PHKA2: variants seen among roughly 807,000 people sequenced by gnomAD.
PHKA2 encodes the protein phosphorylase b kinase regulatory subunit alpha, liver isoform.
Under a neutral mutation model 102.0 loss-of-function variants are expected in PHKA2, and 31 were observed. The observed-to-expected ratio is 0.30, with a 90% confidence interval of 0.23 to 0.41. PHKA2 has a LOEUF of 0.41. Among genes scored for constraint, PHKA2 ranks in the 10% least tolerant of loss-of-function variants. The pLI is 1.00. For missense variants in PHKA2, 858 were observed against 1,023.1 expected, an observed-to-expected ratio of 0.84 and a Z score of 2.20; for synonymous variants, 455 against 416.2, an observed-to-expected ratio of 1.09 and a Z score of -1.13.
rs1177008330 is a variant in PHKA2, at chrX:18,931,635, C to T, written c.1245+6G>A. On this transcript the variant is annotated splice_donor_region_variant and intron_variant, in intron 12 of 32. Coordinates refer to ENST00000379942, the MANE Select transcript of PHKA2 (RefSeq NM_000292.3). ...TTTCCAGTCTGTGAGGCCACTAAGC[C>T]CCTACCTCTGCCAACAGCGAGCTGA... 8.6e-7 allele frequency: 1 copy of T among 1,166,906 alleles called. No individual in the cohort carries two copies. The highest frequency in any genetic ancestry group is 1.2e-6 in the Non-Finnish European group (1 of 854,741).
chrX:18,902,808 T>C (rs1435966645), intron 26 of PHKA2: 1 of 111,356 alleles, frequency 9.0e-6, no homozygotes, highest in Non-Finnish European at 1.9e-5. Flanking sequence ...CCAGGCACGG[T>C]GGCTCACACC....
intron 19 of PHKA2, among the ~76,000 whole-genome samples, chrX:18,917,029 C>G (rs1669846050): frequency 9.1e-6 from 1 of 109,353 alleles, no homozygotes; most frequent in Non-Finnish European, 1.9e-5. Flanking sequence ...CATGTGCCAC[C>G]ATGCCTGGCT....
chrX:18,900,583 C>G, intron 28 of PHKA2, 87 bp downstream of exon 28: 1 of 890,189 alleles, frequency 1.1e-6, no homozygotes, highest in East Asian at 3.1e-5. Flanking sequence ...TCTACACATT[C>G]ACACGCTGCG....
intron 20 of PHKA2, 33 bp from the exon 21 acceptor site, chrX:18,908,967 G>A: frequency 8.3e-7 from 1 of 1,209,387 alleles, no homozygotes; most frequent in Non-Finnish European, 1.1e-6. Context: ...GCAGGGAGAT[G>A]GGCTAGGCAT....
chrX:18,906,001 T>C, intron 25 of PHKA2, 142 bp from the exon 26 acceptor site: 1 of 509,601 alleles, frequency 2.0e-6, no homozygotes, highest in Non-Finnish European at 3.5e-6. Context: ...ACTATTGCTT[T>C]GGGGCTGAAA....
At chrX:18,931,976 T>C (rs1025039316) in intron 11 of PHKA2, among the ~76,000 whole-genome samples, 7 of 112,213 alleles carry the variant, frequency 6.2e-5, no homozygotes, top group Non-Finnish European at 1.3e-4. Flanking sequence ...GCACTCTTCC[T>C]ACAGGCACAC....
chrX:18,924,418 T>C lies in PHKA2; in HGVS notation c.1677A>G (p.Arg559=). 1 of 1,210,504 alleles carries C rather than the reference T, an allele frequency of 8.3e-7. No homozygotes were observed. The change falls in exon 16 of 33, where the codon AGA becomes AGG. Residue 559 remains arginine (R), a synonymous_variant. Coordinates refer to ENST00000379942, the MANE Select transcript of PHKA2 (RefSeq NM_000292.3). ...YLCTCWRMTG[R]PTLTFPISRT... ...GACTGATGGGGAAGGTGAGTGTGGG[T>C]CTGCCCGTCATCCTCCAGCAGGTGC... is the stretch of plus-strand genomic sequence containing the variant.
chrX:18,982,585 C>A (rs1210587132), intron 1 of PHKA2, among the ~76,000 whole-genome samples: 1 of 112,206 alleles, frequency 8.9e-6, no homozygotes, highest in Non-Finnish European at 1.9e-5. Flanking sequence ...GTAATCCCAG[C>A]ACTTTTGGGA....
chrX:18,951,726 G>A (rs1193941481), intron 3 of PHKA2, among the ~76,000 whole-genome samples: 1 of 111,696 alleles, frequency 9.0e-6, no homozygotes, highest in East Asian at 2.8e-4. Flanking sequence ...CTTTGAATTT[G>A]TGCAGATCCT....
At chrX:18,908,974 G>A (rs2047875313) in intron 20 of PHKA2, 40 bp from the exon 21 acceptor site, 2 of 1,208,074 alleles carry the variant, frequency 1.7e-6, no homozygotes, top group Non-Finnish European at 2.2e-6. Flanking sequence ...GATGGGCTAG[G>A]CATGGAACTT....
chrX:18,905,973 CCT>C, intron 25 of PHKA2, 114 bp from the exon 26 acceptor site: 1 of 543,605 alleles, frequency 1.8e-6, no homozygotes, highest in South Asian at 2.4e-5. Flanking sequence ...GGCAGGTCCC[CCT>C]GTTCAGGAGA....
chrX:18,978,069 A>C (rs914682245), intron 1 of PHKA2, among the ~76,000 whole-genome samples: 2 of 111,060 alleles, frequency 1.8e-5, no homozygotes, highest in African/African-American at 6.6e-5. Flanking sequence ...AGGCAGGAGA[A>C]TTGCTTGAAC....
intron 1 of PHKA2, among the ~76,000 whole-genome samples, chrX:18,975,688 A>G (rs980389690): frequency 4.5e-5 from 5 of 111,354 alleles, no homozygotes; most frequent in Non-Finnish European, 5.7e-5. Context: ...TATTCACTCC[A>G]CCAGTAAATC....
At chrX:18,897,106 C>T in intron 30 of PHKA2, 57 bp downstream of exon 30, 1 of 1,176,906 alleles carries the variant, frequency 8.5e-7, no homozygotes, top group Non-Finnish European at 1.2e-6. Context: ...GCCACCATGC[C>T]TTGCCAGGAC....
intron 19 of PHKA2, among the ~76,000 whole-genome samples, 155 bp downstream of exon 19, chrX:18,918,522 GAAGA>G (rs773340996): frequency 1.8e-5 from 2 of 112,426 alleles, no homozygotes; most frequent in South Asian, 7.4e-4. Context: ...GTACATACCA[GAAGA>G]AAGAGCTAAA....
In PHKA2 at chrX:18,951,166, C is replaced by A. The variant is rs1259088804; in HGVS notation, c.392G>T (p.Gly131Val). The A allele has an allele frequency of 8.3e-7, 1 of 1,209,525 alleles. No homozygotes were observed. The highest frequency in any genetic ancestry group is 1.7e-5 in the African/African-American group (1 of 57,180). Residue 131 changes from glycine (G) to valine (V), a missense_variant, in exon 4 of 33, where the codon GGC becomes GTC. Coordinates refer to ENST00000379942, the MANE Select transcript of PHKA2 (RefSeq NM_000292.3). ...AGAGGTGGCATCCACCTGGAGGTGGCCCCACTGGTCGTCGCCCACCACCGT... is the reference window on the plus strand; with the variant it reads ...AGAGGTGGCATCCACCTGGAGGTGGACCCACTGGTCGTCGCCCACCACCGT... ...CGTVVGDDQW[G>V]HLQVDATSLF...
intron 26 of PHKA2, among the ~76,000 whole-genome samples, chrX:18,903,255 G>A (rs1299787719): frequency 8.9e-6 from 1 of 112,357 alleles, no homozygotes; most frequent in Non-Finnish European, 1.9e-5. Flanking sequence ...AGTTTGATCT[G>A]GTGAGTGTTG....
Position 18,931,756 on chromosome X carries a change from G to C in PHKA2, c.1138-8C>G. The C allele has an allele frequency of 9.0e-7, 1 of 1,115,005 alleles. No individual in the cohort carries two copies. The highest frequency in any genetic ancestry group is 1.2e-6 in the Non-Finnish European group (1 of 807,028). 91.9% of individuals were successfully genotyped at this position (1,115,005 alleles called of 1,213,427 possible). A position where few individuals can be genotyped will look rare whatever the true frequency, so the allele number is the denominator to read the frequency against. On this transcript the variant is annotated splice_polypyrimidine_tract_variant and splice_region_variant and intron_variant, in intron 11 of 32. Transcript: ENST00000379942. ...CTTGTACTCTTCATCTACCTGGAAA[G>C]AGAGACAAATCCAAAGTCAGAAAGT...
intron 15 of PHKA2, 49 bp downstream of exon 15, chrX:18,925,619 C>T (rs1267941372): frequency 1.4e-6 from 1 of 692,039 alleles, no homozygotes; most frequent in Non-Finnish European, 2.4e-6. Context: ...GCTTACCAGA[C>T]AGCAAAGAGA....
Sources: allele counts gnomAD v4.1 joint callset (sites outside exome capture counted in the v4.1 genomes callset), GRCh38; gene constraint gnomAD v4.1.1; transcripts MANE v1.5; gene names NCBI Gene and HGNC (gene_info 2026-07-23, HGNC 2026-07-21).